PARD3: variants seen among roughly 807,000 people sequenced by gnomAD.
The protein encoded by PARD3 is partitioning defective 3 homolog.
Under a neutral mutation model 155.4 loss-of-function variants are expected in PARD3, and 75 were observed. That is an observed-to-expected ratio of 0.48 (90% confidence interval 0.40 to 0.58). The LOEUF (loss-of-function observed/expected upper bound fraction) is 0.58. PARD3 is among the 20% of genes least tolerant of loss of function. The pLI is 0.00. For missense variants in PARD3, 1,642 were observed against 1,721.7 expected, an observed-to-expected ratio of 0.95 and a Z score of 0.82; for synonymous variants, 576 against 610.5, an observed-to-expected ratio of 0.94 and a Z score of 0.83.
intron 23 of PARD3, among the ~76,000 whole-genome samples, chr10:34,131,237 G>A (rs946714725): frequency 6.6e-6 from 1 of 152,152 alleles, no homozygotes; most frequent in African/African-American, 2.4e-5. Context: ...TTGTCATAAG[G>A]CTAGTGAAAC....
chr10:34,683,537 C>T (rs536991739), intron 2 of PARD3, among the ~76,000 whole-genome samples: 1 of 149,698 alleles, frequency 6.7e-6, no homozygotes, highest in Non-Finnish European at 1.5e-5. Context: ...GCCCACCATA[C>T]GAGATGCCAG....
At chr10:34,410,748 C>A (rs1844964348) in intron 5 of PARD3, among the ~76,000 whole-genome samples, 1 of 152,172 alleles carries the variant, frequency 6.6e-6, no homozygotes, top group African/African-American at 2.4e-5. Flanking sequence ...TGCTTCTGTT[C>A]TGGACTTGCT....
chr10:34,525,379 A>G (rs1002357379), intron 2 of PARD3, among the ~76,000 whole-genome samples: 1 of 152,248 alleles, frequency 6.6e-6, no homozygotes, highest in African/African-American at 2.4e-5. Flanking sequence ...TAAGCCAAGA[A>G]TGGCAAAGTG....
Position 34,361,612 on chromosome 10 carries a change from T to A in PARD3, c.1708-1353A>T, listed in dbSNP as rs868622845. Among the ~76,000 whole-genome samples the A allele has an allele frequency of 6.6e-5, 10 of 152,306 alleles. No homozygotes were observed. The South Asian group carries it at 8.3e-4, about 13-fold the overall frequency. On this transcript the variant is annotated intron_variant, in intron 12 of 24. Coordinates refer to ENST00000374788, the MANE Select transcript of PARD3 (RefSeq NM_001184785.2). ...AGATGTCTCAATTAGATAAAATACA[T>A]TTTGAGAGTACACTATCTGTAAGTG...
chr10:34,671,501 T>TA (rs1281146160), intron 2 of PARD3, among the ~76,000 whole-genome samples: 3 of 152,176 alleles, frequency 2.0e-5, no homozygotes, highest in South Asian at 2.1e-4. Context: ...AACATAGTGG[T>TA]AAAAAAACTA....
rs186260627 is a variant in PARD3, at chr10:34,227,883, T to C, written c.3419+41774A>G. Among the ~76,000 whole-genome samples the C allele has an allele frequency of 3.6e-4, 47 of 130,406 alleles. 1 individual carries two copies. The highest frequency in any genetic ancestry group is 1.3e-3 in the African/African-American group (45 of 34,276). The allele number at this position is 130,406 out of a possible 152,430, so 85.6% of individuals were successfully genotyped here. ...ATATATATATATATATATATATATA[T>C]ACTGGGAATATATATGTATATATAA... On this transcript the variant is annotated intron_variant, in intron 22 of 24. Transcript: ENST00000374788.
At chr10:34,464,795 C>T (rs1311861238) in intron 4 of PARD3, among the ~76,000 whole-genome samples, 1 of 152,142 alleles carries the variant, frequency 6.6e-6, no homozygotes, top group Non-Finnish European at 1.5e-5. Flanking sequence ...GATGGTTCCC[C>T]CTGGTAATAA....
At chr10:34,196,183 T>A (rs1018368260) in intron 22 of PARD3, among the ~76,000 whole-genome samples, 2 of 152,220 alleles carry the variant, frequency 1.3e-5, no homozygotes, top group Non-Finnish European at 2.9e-5. Context: ...TAGAAATAAG[T>A]GACCCAGACA....
chr10:34,779,514 G>A (rs1429271321), intron 1 of PARD3, among the ~76,000 whole-genome samples: 2 of 151,726 alleles, frequency 1.3e-5, no homozygotes, highest in Admixed American at 6.6e-5. Flanking sequence ...CTAACTACTC[G>A]GGAGGCTGAG....
intron 14 of PARD3, among the ~76,000 whole-genome samples, chr10:34,348,556 C>T (rs1185208910): frequency 6.6e-6 from 1 of 152,108 alleles, no homozygotes; most frequent in Non-Finnish European, 1.5e-5. Flanking sequence ...GTAAATACAT[C>T]TAACAATTAG....
chr10:34,568,596 T>C (rs1241514424), intron 2 of PARD3, among the ~76,000 whole-genome samples: 1 of 152,188 alleles, frequency 6.6e-6, no homozygotes, highest in Non-Finnish European at 1.5e-5. Flanking sequence ...TTCTGAGTCT[T>C]AAGAATAATG....
intron 23 of PARD3, among the ~76,000 whole-genome samples, chr10:34,125,497 T>C (rs1260639503): frequency 6.6e-6 from 1 of 152,232 alleles, no homozygotes; most frequent in Non-Finnish European, 1.5e-5. Flanking sequence ...TGAGAGCAGA[T>C]ACTTTTTAAG....
At chr10:34,285,386 G>A (rs1345580610) in intron 20 of PARD3, among the ~76,000 whole-genome samples, 1 of 151,850 alleles carries the variant, frequency 6.6e-6, no homozygotes, top group African/African-American at 2.4e-5. Flanking sequence ...GACCAGCCTG[G>A]GCAACATAGC....
At chr10:34,422,118 T>A (rs1338410080) in intron 5 of PARD3, among the ~76,000 whole-genome samples, 2 of 152,190 alleles carry the variant, frequency 1.3e-5, no homozygotes, top group Non-Finnish European at 2.9e-5. Flanking sequence ...GGAATCTCAG[T>A]TTATGAATAA....
rs150530293 is a variant in PARD3 at position 34,394,940 on chromosome 10, A to T, written c.890+4390T>A. ...GTTCTAGAAATATTAAAAAAGAAAA[A>T]AAAAAAAGCAAGGTTCTTCTGCCAA... On this transcript the variant is annotated intron_variant, in intron 7 of 24. Transcript: ENST00000374788. Among the ~76,000 whole-genome samples the T allele has an allele frequency of 5.5e-3, 832 of 152,268 alleles. 8 individuals are homozygous for T. Among genetic ancestry groups the T allele is most frequent in the African/African-American group, 0.018 (762 of 41,560 alleles).
chr10:34,606,155 AATGTGTGTGTGTGTGTGTGTGTGTGT>A (rs2090403671), intron 2 of PARD3, among the ~76,000 whole-genome samples: 1 of 106,674 alleles, frequency 9.4e-6, no homozygotes, highest in African/African-American at 3.4e-5. Context: ...TATAAAGGGA[AATGTGTGTGTGTGTGTGTGTGTGTGT>A]GTGTGTGTGT....
At chr10:34,241,706 C>T (rs1327638495) in intron 22 of PARD3, among the ~76,000 whole-genome samples, 2 of 152,148 alleles carry the variant, frequency 1.3e-5, no homozygotes, top group African/African-American at 4.8e-5. Flanking sequence ...GGTACTACCA[C>T]CACTTGAGCC....
At chr10:34,610,052 G>C (rs1254478949) in intron 2 of PARD3, among the ~76,000 whole-genome samples, 2 of 152,070 alleles carry the variant, frequency 1.3e-5, no homozygotes, top group Non-Finnish European at 2.9e-5. Flanking sequence ...TATACCAAAG[G>C]GGCCTTTTAT....
intron 5 of PARD3, among the ~76,000 whole-genome samples, chr10:34,418,351 T>G (rs763432635): frequency 6.6e-6 from 1 of 152,022 alleles, no homozygotes; most frequent in Non-Finnish European, 1.5e-5. Flanking sequence ...ATTCTTATAT[T>G]TTTCTAGAGA....
Sources: gnomAD v4.1 joint callset for allele counts (sites outside exome capture counted in the v4.1 genomes callset) on GRCh38, gnomAD v4.1.1 for gene constraint, MANE v1.5 for transcripts, NCBI Gene and HGNC (gene_info 2026-07-23, HGNC 2026-07-21) for gene names.